The following TNC variants were observed in gnomAD, a reference collection of about 807,000 sequenced individuals.
TNC encodes the protein tenascin.
A neutral mutation model predicts 202.4 loss-of-function variants in TNC; 109 were observed. The observed-to-expected ratio is 0.54, with a 90% CI of 0.46 to 0.63. The LOEUF (loss-of-function observed/expected upper bound fraction) is 0.63. TNC is among the 30% of genes least tolerant of loss of function. The pLI, the probability that TNC is intolerant of heterozygous loss-of-function variation, is 0.00. For missense variants in TNC, 2,756 were observed against 2,833.3 expected, an observed-to-expected ratio of 0.97 and a Z score of 0.62; for synonymous variants, 1,007 against 1,089.7, an observed-to-expected ratio of 0.92 and a Z score of 1.50.
chr9:115,037,720 G>T (rs1397428141), intron 20 of TNC, among the ~76,000 whole-genome samples: 1 of 152,112 alleles, frequency 6.6e-6, no homozygotes, highest in African/African-American at 2.4e-5. Flanking sequence ...AAGAGACGAG[G>T]TTTCACCATG....
intron 6 of TNC, among the ~76,000 whole-genome samples, chr9:115,079,916 G>T (rs1834170250): frequency 6.6e-6 from 1 of 152,192 alleles, no homozygotes; most frequent in South Asian, 2.1e-4. Flanking sequence ...AGAAGTTTAA[G>T]GCCCTTTACA....
At chr9:115,089,102 A>G (rs1218700914) in intron 2 of TNC, among the ~76,000 whole-genome samples, 1 of 152,176 alleles carries the variant, frequency 6.6e-6, no homozygotes, top group Non-Finnish European at 1.5e-5. Flanking sequence ...GTGTATTCTC[A>G]TCTGCATTTT....
intron 25 of TNC, among the ~76,000 whole-genome samples, chr9:115,026,920 C>A (rs1275773907): frequency 6.6e-6 from 1 of 151,894 alleles, no homozygotes; most frequent in Non-Finnish European, 1.5e-5. Context: ...ATCAGCCTGG[C>A]CAACATGGCG....
intron 7 of TNC, among the ~76,000 whole-genome samples, chr9:115,077,204 G>A (rs1418352194): frequency 6.6e-6 from 1 of 152,168 alleles, no homozygotes; most frequent in African/African-American, 2.4e-5. Flanking sequence ...ACAGGCACCC[G>A]CCACCACGCC....
At chr9:115,094,170 T>G (rs915252406) in intron 1 of TNC, among the ~76,000 whole-genome samples, 1 of 152,172 alleles carries the variant, frequency 6.6e-6, no homozygotes, top group African/African-American at 2.4e-5. Context: ...AAGCTCGTAG[T>G]AGGCACTCAT....
chr9:115,061,069 C>G (rs1225314588), intron 13 of TNC, among the ~76,000 whole-genome samples: 1 of 152,134 alleles, frequency 6.6e-6, no homozygotes, highest in Admixed American at 6.5e-5. Flanking sequence ...TGGGATGCTT[C>G]TGAGGGTTAA....
intron 3 of TNC, 27 bp from the exon 4 acceptor site, chr9:115,084,499 G>A (rs1372237893): frequency 4.4e-6 from 7 of 1,606,860 alleles, no homozygotes; most frequent in Non-Finnish European, 6.0e-6. Flanking sequence ...AGGACATCTG[G>A]TGTCAACAGT....
chr9:115,036,348 GACCC>G, intron 20 of TNC, 107 bp from the exon 21 acceptor site: 1 of 1,283,318 alleles, frequency 7.8e-7, no homozygotes, highest in Non-Finnish European at 1.1e-6. Context: ...AACTTTCAGT[GACCC>G]TGCGGAAAAG....
At chr9:115,062,305 G>T (rs1832603619) in intron 13 of TNC, among the ~76,000 whole-genome samples, 2 of 152,222 alleles carry the variant, frequency 1.3e-5, no homozygotes, top group South Asian at 4.1e-4. Flanking sequence ...GGGATGTAAA[G>T]AAATATACCC....
At chr9:115,046,026 T>C (rs1189873460) in intron 17 of TNC, among the ~76,000 whole-genome samples, 4 of 151,608 alleles carry the variant, frequency 2.6e-5, no homozygotes, top group African/African-American at 4.9e-5. Context: ...TATGATGAGA[T>C]GAGATATGAT....
intron 16 of TNC, 60 bp from the exon 17 acceptor site, chr9:115,046,742 C>T (rs1296625135): frequency 6.3e-7 from 1 of 1,588,474 alleles, no homozygotes; most frequent in South Asian, 1.1e-5. Flanking sequence ...CCAGTCCGTG[C>T]AATCTTCTCT....
At chr9:115,057,945 G>A (rs1438479578) in intron 14 of TNC, among the ~76,000 whole-genome samples, 3 of 152,162 alleles carry the variant, frequency 2.0e-5, no homozygotes, top group Admixed American at 2.0e-4. Context: ...GTAACTTGAG[G>A]CTTCTGATTT....
rs1237624127 is a variant in TNC, at chr9:115,040,962, C to T, written c.5371G>A (p.Val1791Ile). 1.2e-6 allele frequency: 2 copies of T among 1,613,744 alleles called. No individual in the cohort carries two copies. Among genetic ancestry groups the T allele is most frequent in the East Asian group, 2.2e-5 (1 of 44,886 alleles). ...TCACCTGTGGTGAATGACCCTGAGA[C>T]AGGTTCACTTTCCTCAAAGCCCTTC... ...AMKGFEESEP[V>I]SGSFTTALDG... The change falls in exon 19 of 28, where the codon GTC becomes ATC. Residue 1791 changes from valine (V) to isoleucine (I), a missense_variant. Val to Ile is a conservative substitution (Grantham distance 29). Transcript: ENST00000350763.
chr9:115,061,634 G>C (rs1832554719), intron 13 of TNC, among the ~76,000 whole-genome samples: 1 of 152,158 alleles, frequency 6.6e-6, no homozygotes, highest in South Asian at 2.1e-4. Flanking sequence ...TGTTATATAA[G>C]AGCAAGGAAA....
At chr9:115,031,881 G>A (rs768025081) in intron 22 of TNC, among the ~76,000 whole-genome samples, 196 bp from the exon 23 acceptor site, 5 of 152,156 alleles carry the variant, frequency 3.3e-5, no homozygotes, top group Non-Finnish European at 7.3e-5. Context: ...TACAGCACAA[G>A]CAAAGGTCCT....
chr9:115,069,588 T>A (rs1588117208), intron 10 of TNC, among the ~76,000 whole-genome samples: 1 of 126,824 alleles, frequency 7.9e-6, no homozygotes, highest in Non-Finnish European at 1.7e-5. Flanking sequence ...CCTCCCTTCT[T>A]TCCTTCCCTT....
At chr9:115,031,987 G>A (rs1194749965) in intron 22 of TNC, among the ~76,000 whole-genome samples, 2 of 152,166 alleles carry the variant, frequency 1.3e-5, no homozygotes, top group African/African-American at 2.4e-5. Flanking sequence ...CAGGGCTAAG[G>A]CTACCACCTG....
chr9:115,021,334 G>A (rs546443458), intron 27 of TNC, 67 bp from the exon 28 acceptor site: 18 of 1,141,316 alleles, frequency 1.6e-5, no homozygotes, highest in South Asian at 1.3e-4. Flanking sequence ...ACTGTTAGGC[G>A]AGGTGTTCAC....
At chr9:115,114,519 G>C (rs960890855) in intron 1 of TNC, among the ~76,000 whole-genome samples, 1 of 152,186 alleles carries the variant, frequency 6.6e-6, no homozygotes, top group African/African-American at 2.4e-5. Context: ...GAACTTTCCT[G>C]TTTCCAGGCA....
Sources: allele counts gnomAD v4.1 joint callset (sites outside exome capture counted in the v4.1 genomes callset), GRCh38; gene constraint gnomAD v4.1.1; transcripts MANE v1.5; gene names NCBI Gene and HGNC (gene_info 2026-07-23, HGNC 2026-07-21).